Variants in FBXO41 observed in about 807,000 individuals in gnomAD.
FBXO41 encodes the protein F-box protein 41.
Under a neutral mutation model 81.6 loss-of-function variants are expected in FBXO41, and 33 were observed. The ratio of observed to expected loss-of-function variants is 0.40; its 90% confidence interval spans 0.31 to 0.54. The LOEUF (loss-of-function observed/expected upper bound fraction) is 0.54. Ranked by LOEUF, FBXO41 falls within the 20% of genes least tolerant of loss-of-function variation. The pLI is 0.39. For missense variants in FBXO41, 1,107 were observed against 1,236.0 expected (o/e 0.90, Z 1.56); for synonymous variants, 576 against 552.7 (o/e 1.04, Z -0.59).
Position 73,260,820 on chromosome 2 carries a change from A to C in FBXO41, c.2210T>G (p.Met737Arg). Reference protein sequence around the residue: ...PTRFSNRCLQMIGRCWPHLRA... With the variant: ...PTRFSNRCLQRIGRCWPHLRA... ...CAGGTGGGGCCAACAGCGACCAATCATCTGCAGGCAGCGGTTACTGAAGCG... is the reference window on the plus strand; with the variant it reads ...CAGGTGGGGCCAACAGCGACCAATCCTCTGCAGGCAGCGGTTACTGAAGCG... The change falls in exon 10 of 13, where the codon ATG becomes AGG. Residue 737 changes from methionine to arginine, a missense_variant. This residue lies in a region of FBXO41 where 336 missense variants were observed against 446.7 expected (regional missense o/e 0.75). Transcript: ENST00000520530. This position sits in a 1 kb window ranked among gnomAD's most constrained non-coding sequence, Gnocchi z 5.0. 1 of 1,570,000 alleles carries C rather than the reference A, an allele frequency of 6.4e-7. No homozygotes were observed. The highest frequency in any genetic ancestry group is 8.6e-7 in the Non-Finnish European group (1 of 1,156,380).
At position 73,284,134 on chromosome 2, in the gene FBXO41, G is replaced by A. The variant is rs113541710; in HGVS notation, c.-139+26C>T. ...TCCTTCCCTCTCCGGGAGCAGTCCCGCAGCGTGCCCGCGACTCGCCCTTAC... is the reference window on the plus strand; with the variant it reads ...TCCTTCCCTCTCCGGGAGCAGTCCCACAGCGTGCCCGCGACTCGCCCTTAC... On this transcript the variant is annotated intron_variant, in intron 1 of 12. Coordinates refer to ENST00000520530, the MANE Select transcript of FBXO41 (RefSeq NM_001371389.2). The surrounding 1 kb of genome is among the most constrained non-coding windows in gnomAD (Gnocchi z 7.4). 0.033 allele frequency: 4,983 copies of A among 152,528 alleles called. 123 individuals are homozygous for A. Among genetic ancestry groups the A allele is most frequent in the Non-Finnish European group, 0.049 (3,366 of 68,252 alleles). 9.4% of individuals were successfully genotyped at this position (152,528 alleles called of 1,614,324 possible).
intron 1 of FBXO41, chr2:73,270,699 T>A (rs1574387649): frequency 2.2e-6 from 1 of 455,952 alleles, no homozygotes; most frequent in East Asian, 6.0e-5. Context: ...TGGCACAAGG[T>A]CCCTCCATCC....
At chr2:73,265,183 AG>A in intron 5 of FBXO41, 98 bp downstream of exon 5, 1 of 1,149,084 alleles carries the variant, frequency 8.7e-7, no homozygotes, top group Non-Finnish European at 1.2e-6. Flanking sequence ...GCTATGTAGG[AG>A]GGGTGGGCAA....
In FBXO41 at chr2:73,258,975, ACC is replaced by A; in HGVS notation, c.*5_*6del. 1 of 1,569,020 alleles carries A rather than the reference ACC, an allele frequency of 6.4e-7. No individual in the cohort carries two copies. The highest frequency in any genetic ancestry group is 8.6e-7 in the Non-Finnish European group (1 of 1,157,440). ...GCTGGCAGGGGCCCTGCCGCCCCCT[ACC>A]CGGGTTAGCAGCCGCCTTCCACCTT... On this transcript the variant is annotated 3_prime_UTR_variant, in exon 13 of 13. Transcript: ENST00000520530.
In FBXO41 at chr2:73,260,252, C is replaced by G. The variant is rs1204776920; in HGVS notation, c.2449+137G>C. 1 of 1,200,896 alleles carries G rather than the reference C, an allele frequency of 8.3e-7. No homozygotes were observed. Among genetic ancestry groups the G allele is most frequent in the Non-Finnish European group, 1.2e-6 (1 of 862,024 alleles). 74.4% of individuals were successfully genotyped at this position (1,200,896 alleles called of 1,614,324 possible). A position where few individuals can be genotyped will look rare whatever the true frequency, so the allele number is the denominator to read the frequency against. The stretch of plus-strand genomic sequence containing the variant: ...GGTCAGTCAGGCTCTAGAACCAGTG[C>G]TCTTAACCTGTCCCCCTGCCTCTGC... On this transcript the variant is annotated intron_variant, in intron 11 of 12. Transcript: ENST00000520530. This position sits in a 1 kb window ranked among gnomAD's most constrained non-coding sequence, Gnocchi z 5.0.
At position 73,264,072 on chromosome 2, in the gene FBXO41, A is replaced by T; in HGVS notation, c.1807-19T>A. 1 of 1,572,034 alleles carries T rather than the reference A, an allele frequency of 6.4e-7. No individual in the cohort carries two copies. Among genetic ancestry groups the T allele is most frequent in the Non-Finnish European group, 8.6e-7 (1 of 1,158,178 alleles). ...CCAGGAACTGTGGGGGAGGGGAAGG[A>T]CATTTGGAGATGAAGGGGTCTGAAC... On this transcript the variant is annotated intron_variant, in intron 6 of 12. Transcript: ENST00000520530.
intron 1 of FBXO41, among the ~76,000 whole-genome samples, chr2:73,281,864 AG>A (rs1688855397): frequency 6.6e-6 from 1 of 152,254 alleles, no homozygotes; most frequent in Admixed American, 6.5e-5. Context: ...ATGATAAACT[AG>A]GATTTGAACC....
In FBXO41 at chr2:73,260,877, G is replaced by A. The variant is rs1361106180; in HGVS notation, c.2172-19C>T. Reference sequence around the variant, plus strand: ...CTGCTGGCTGGAGAATGGGAAGGGGGAGCCGTCAGGGAAGTCTCTGGATGC... The same window carrying A: ...CTGCTGGCTGGAGAATGGGAAGGGGAAGCCGTCAGGGAAGTCTCTGGATGC... On this transcript the variant is annotated intron_variant, in intron 9 of 12. Coordinates refer to ENST00000520530, the MANE Select transcript of FBXO41 (RefSeq NM_001371389.2). This position sits in a 1 kb window ranked among gnomAD's most constrained non-coding sequence, Gnocchi z 5.0. The A allele has an allele frequency of 3.9e-6, 6 of 1,544,414 alleles. No homozygotes were observed. The Admixed American group carries it at 5.9e-5, about 15-fold the overall frequency.
chr2:73,271,112 G>C, intron 1 of FBXO41: 1 of 362,080 alleles, frequency 2.8e-6, no homozygotes, highest in Non-Finnish European at 5.5e-6. Flanking sequence ...AAGGCAGTCA[G>C]CTTCCCTCAC....
chr2:73,268,698 A>T, intron 2 of FBXO41, 28 bp downstream of exon 2: 4 of 1,494,374 alleles, frequency 2.7e-6, no homozygotes, highest in Non-Finnish European at 3.6e-6. Context: ...AGGCACAACC[A>T]CTCACAGGGC....
chr2:73,271,419 AG>A (rs1312443411), intron 1 of FBXO41: 1 of 153,638 alleles, frequency 6.5e-6, no homozygotes, highest in African/African-American at 2.4e-5. Flanking sequence ...GGAATGACTG[AG>A]GGAAAGCATT....
At chr2:73,263,181 C>A in intron 9 of FBXO41, 32 bp downstream of exon 9, 1 of 1,536,902 alleles carries the variant, frequency 6.5e-7, no homozygotes, top group African/African-American at 1.4e-5. Flanking sequence ...ACCGTGTCCC[C>A]CCTCCTATCC....
chr2:73,265,081 T>C (rs1298710786), intron 5 of FBXO41, among the ~76,000 whole-genome samples: 5 of 152,184 alleles, frequency 3.3e-5, no homozygotes, highest in Non-Finnish European at 7.4e-5. Flanking sequence ...GCCCCCCAGA[T>C]GTGGCATCCT....
Position 73,266,479 on chromosome 2 carries a change from T to C in FBXO41, c.1109A>G (p.Asn370Ser). ...RGGGGGGAGP[N>S]ARGPGRMREH... ...CACCATTCTGCCTGGGCCCCGGGCA[T>C]TGGGTCCAGCACCACCGCCCCCACC... is the stretch of plus-strand genomic sequence containing the variant. The change falls in exon 3 of 13, where the codon AAT (asparagine) becomes AGT (serine). Residue 370 changes from asparagine (N) to serine (S), a missense_variant. Asn to Ser is a conservative substitution (Grantham distance 46). Coordinates refer to ENST00000520530, the MANE Select transcript of FBXO41 (RefSeq NM_001371389.2). The surrounding 1 kb of genome is among the most constrained non-coding windows in gnomAD (Gnocchi z 5.3). 6.5e-7 allele frequency: 1 copy of C among 1,542,012 alleles called. No individual in the cohort carries two copies. The highest frequency in any genetic ancestry group is 1.4e-5 in the African/African-American group (1 of 73,012).
At chr2:73,271,623 T>TA (rs1688492959) in intron 1 of FBXO41, 2 of 107,640 alleles carry the variant, frequency 1.9e-5, no homozygotes, top group African/African-American at 3.6e-5. Flanking sequence ...AATTCTGCAC[T>TA]CCCCCCCCCC....
chr2:73,261,135 C>T (rs1280892255), intron 9 of FBXO41, among the ~76,000 whole-genome samples: 1 of 151,912 alleles, frequency 6.6e-6, no homozygotes, highest in Non-Finnish European at 1.5e-5. Context: ...CGGCTCACTG[C>T]AACCTCTGCC....
chr2:73,264,972 G>A lies in FBXO41; in HGVS notation c.1564+310C>T, dbSNP rs1250415233. On this transcript the variant is annotated intron_variant, in intron 5 of 12. Coordinates refer to ENST00000520530, the MANE Select transcript of FBXO41 (RefSeq NM_001371389.2). Reference sequence around the variant, plus strand: ...GGTGCCTTCTGTGAATACGGTGGGGGGCCTCTCCCCCACTGCACCAGGGGC... The same window carrying A: ...GGTGCCTTCTGTGAATACGGTGGGGAGCCTCTCCCCCACTGCACCAGGGGC... 2.6e-5 allele frequency among the ~76,000 whole-genome samples: 4 copies of A among 152,170 alleles called. No individual in the cohort carries two copies. The East Asian group carries it at 5.8e-4, about 22-fold the overall frequency.
Position 73,265,904 on chromosome 2 carries a change from A to C in FBXO41, c.1194T>G (p.Ser398=), listed in dbSNP as rs1450969584. ...GGCCCAAGGCTTACCCTGTGCTCGG[A>C]GAGGAGCCATGCCGTGACACTGCAT... ...NTYAVSRHGS[S]PSTGASSRVP... The change falls in exon 4 of 13, where the codon TCT becomes TCG. Residue 398 remains serine, a synonymous_variant. Transcript: ENST00000520530. The C allele has an allele frequency of 6.3e-7, 1 of 1,586,260 alleles. No individual in the cohort carries two copies. Among genetic ancestry groups the C allele is most frequent in the Admixed American group, 1.8e-5 (1 of 56,124 alleles).
chr2:73,260,785 C>T lies in FBXO41; in HGVS notation c.2245G>A (p.Gly749Arg), dbSNP rs774419963. 3 of 1,565,554 alleles carry T rather than the reference C, an allele frequency of 1.9e-6. No homozygotes were observed. The highest frequency in any genetic ancestry group is 2.6e-6 in the Non-Finnish European group (3 of 1,153,848). ...GRCWPHLRAL[G>R]VGGAGCGVQG... is the part of the protein sequence containing the mutation. Reference sequence around the variant, plus strand: ...ACCCCACAGCCGGCACCCCCGACCCCCAGGGCCCGCAGGTGGGGCCAACAG... The same window carrying T: ...ACCCCACAGCCGGCACCCCCGACCCTCAGGGCCCGCAGGTGGGGCCAACAG... Residue 749 changes from glycine to arginine, a missense_variant, in exon 10 of 13, where the codon GGG becomes AGG. Coordinates refer to ENST00000520530, the MANE Select transcript of FBXO41 (RefSeq NM_001371389.2). This position sits in a 1 kb window ranked among gnomAD's most constrained non-coding sequence, Gnocchi z 5.0.
Sources: allele counts gnomAD v4.1 joint callset (sites outside exome capture counted in the v4.1 genomes callset), GRCh38; gene constraint gnomAD v4.1.1; regional missense constraint gnomAD v4.1.1; non-coding constraint Gnocchi (gnomAD v3.1); transcripts MANE v1.5; gene names NCBI Gene and HGNC (gene_info 2026-07-23, HGNC 2026-07-21).